Variants in KCNJ1 observed in about 807,000 individuals in gnomAD.
The protein encoded by KCNJ1 is potassium inwardly rectifying channel subfamily J member 1, also known as ATP-sensitive inward rectifier potassium channel 1.
Under a neutral mutation model 21.9 loss-of-function variants are expected in KCNJ1, and 24 were observed. The observed-to-expected ratio is 1.10, with a 90% CI of 0.79 to 1.54. The LOEUF (loss-of-function observed/expected upper bound fraction) is 1.54, where lower values mean the gene tolerates loss of function less well. Among genes scored for constraint, KCNJ1 ranks in the 40% most tolerant of loss-of-function variants. The pLI, the probability that KCNJ1 is intolerant of heterozygous loss-of-function variation, is 0.00. For missense variants in KCNJ1, 457 were observed against 455.4 expected, an observed-to-expected ratio of 1.00 and a Z score of -0.03; for synonymous variants, 152 against 160.9, an observed-to-expected ratio of 0.94 and a Z score of 0.42.
At chr11:128,844,809 T>A (rs1943351447) in intron 2 of KCNJ1, among the ~76,000 whole-genome samples, 1 of 152,200 alleles carries the variant, frequency 6.6e-6, no homozygotes. Context: ...CGCTTCTGAT[T>A]TAGAATTAAA....
At chr11:128,842,486 A>T (rs1943300132) in intron 2 of KCNJ1, 1 of 1,611,692 alleles carries the variant, frequency 6.2e-7, no homozygotes, top group African/African-American at 1.3e-5. Context: ...TTTTAGACTC[A>T]GCCTAATTTA....
intron 2 of KCNJ1, among the ~76,000 whole-genome samples, chr11:128,850,165 C>T (rs985006861): frequency 6.6e-6 from 1 of 152,128 alleles, no homozygotes; most frequent in Non-Finnish European, 1.5e-5. Flanking sequence ...ACCCTTGGAG[C>T]TCTACTCTCC....
At position 128,852,366 on chromosome 11, in the gene KCNJ1, A is replaced by G. The variant is rs564312129; in HGVS notation, c.-191-1476T>C. 6.6e-5 allele frequency among the ~76,000 whole-genome samples: 10 copies of G among 152,292 alleles called. No individual in the cohort carries two copies. The South Asian group carries it at 8.3e-4, about 13-fold the overall frequency. ...TCCTGCTTCTCAGAAAGGAGGTGAG[A>G]AGAGCCAGGCTCTAGGGGATTAGTG... On this transcript the variant is annotated intron_variant, in intron 1 of 2. Transcript: ENST00000392666.
Position 128,839,674 on chromosome 11 carries a change from G to A in KCNJ1, c.570C>T (p.Leu190=). 4 of 1,613,376 alleles carry A rather than the reference G, an allele frequency of 2.5e-6. No homozygotes were observed. Among genetic ancestry groups the A allele is most frequent in the Non-Finnish European group, 3.4e-6 (4 of 1,179,888 alleles). ...VISKRGGKLC[L]LIRVANLRKS... ...TCCTGAGATTAGCCACTCGGATTAG[G>A]AGGCAAAGCTTCCCTCCCCGTTTGC... The change falls in exon 3 of 3, where the codon CTC becomes CTT. Residue 190 remains leucine (L), a synonymous_variant. Transcript: ENST00000392666.
intron 2 of KCNJ1, among the ~76,000 whole-genome samples, chr11:128,841,636 T>C (rs1234815164): frequency 1.4e-4 from 21 of 152,200 alleles, no homozygotes; most frequent in Admixed American, 1.4e-3. Flanking sequence ...AATGTGTTTA[T>C]TCGTAAGAAC....
chr11:128,844,627 C>G (rs1341924562), intron 2 of KCNJ1, among the ~76,000 whole-genome samples: 2 of 152,114 alleles, frequency 1.3e-5, no homozygotes, highest in Non-Finnish European at 2.9e-5. Context: ...GTTTGTGGTC[C>G]TTACTGAATC....
intron 1 of KCNJ1, among the ~76,000 whole-genome samples, chr11:128,866,302 C>T (rs772341178): frequency 3.9e-5 from 6 of 152,196 alleles, no homozygotes; most frequent in African/African-American, 7.2e-5. Flanking sequence ...CCAGGTACAA[C>T]CAGCAGATCA....
At chr11:128,865,257 A>G (rs954676862) in intron 1 of KCNJ1, among the ~76,000 whole-genome samples, 1 of 152,110 alleles carries the variant, frequency 6.6e-6, no homozygotes, top group African/African-American at 2.4e-5. Context: ...GGCAGCGATG[A>G]TACTATGAGC....
At chr11:128,844,662 T>C (rs544806929) in intron 2 of KCNJ1, among the ~76,000 whole-genome samples, 13 of 152,222 alleles carry the variant, frequency 8.5e-5, no homozygotes, top group Non-Finnish European at 4.4e-5. Flanking sequence ...GCAGAAGCTC[T>C]TCTTCCACAG....
At chr11:128,865,065 T>C (rs1943793480) in intron 1 of KCNJ1, among the ~76,000 whole-genome samples, 1 of 152,032 alleles carries the variant, frequency 6.6e-6, no homozygotes, top group African/African-American at 2.4e-5. Context: ...CACACCAGCC[T>C]GGTATTCCCT....
At chr11:128,848,287 CAAA>C (rs1002326097) in intron 2 of KCNJ1, among the ~76,000 whole-genome samples, 7 of 48,892 alleles carry the variant, frequency 1.4e-4, no homozygotes, top group Middle Eastern at 9.6e-3. Context: ...GACTCCGTCT[CAAA>C]AAAAAAAAAA....
intron 2 of KCNJ1, among the ~76,000 whole-genome samples, chr11:128,849,508 G>A (rs1169807967): frequency 6.6e-6 from 1 of 152,216 alleles, no homozygotes. Flanking sequence ...ACTACAAGAG[G>A]AGGAAGGAGA....
chr11:128,859,160 C>A (rs957904665), intron 1 of KCNJ1, among the ~76,000 whole-genome samples: 1 of 152,162 alleles, frequency 6.6e-6, no homozygotes, highest in Non-Finnish European at 1.5e-5. Flanking sequence ...AATCTCACAG[C>A]GACCCCATGA....
intron 1 of KCNJ1, among the ~76,000 whole-genome samples, chr11:128,859,951 G>A (rs541098805): frequency 6.6e-6 from 1 of 152,374 alleles, no homozygotes; most frequent in Admixed American, 6.5e-5. Flanking sequence ...GGGCAGCAAA[G>A]CGCAGGCGGG....
At chr11:128,859,476 T>C (rs1943658141) in intron 1 of KCNJ1, among the ~76,000 whole-genome samples, 1 of 152,142 alleles carries the variant, frequency 6.6e-6, no homozygotes. Context: ...CTTGAACTCC[T>C]GGCCTCCAGC....
At chr11:128,865,364 C>T (rs2847381) in intron 1 of KCNJ1, among the ~76,000 whole-genome samples, 27,399 of 152,094 alleles carry the variant, frequency 0.18, 2,581 homozygotes, top group South Asian at 0.31. Context: ...CAAGTACCTG[C>T]CCTCTAGAGC....
intron 2 of KCNJ1, among the ~76,000 whole-genome samples, chr11:128,847,174 G>A (rs55891808): frequency 0.067 from 10,158 of 152,030 alleles, 421 homozygotes; most frequent in African/African-American, 0.12. Context: ...AGCCTCCCCC[G>A]CCGCATCACC....
intron 1 of KCNJ1, among the ~76,000 whole-genome samples, chr11:128,863,521 C>T (rs1943755960): frequency 6.6e-6 from 1 of 152,184 alleles, no homozygotes; most frequent in African/African-American, 2.4e-5. Context: ...CAGGCTTCTT[C>T]TGAGAGAGGA....
In KCNJ1 at chr11:128,843,323, C is replaced by A. The variant is rs528425667; in HGVS notation, c.-21-3059G>T. Among the ~76,000 whole-genome samples, 33 of 152,264 alleles carry A rather than the reference C, an allele frequency of 2.2e-4. No homozygotes were observed. In the South Asian group the frequency reaches 6.9e-3, roughly 32 times the overall value. On this transcript the variant is annotated intron_variant, in intron 2 of 2. Transcript: ENST00000392666. ...CCTGGTGTCTGGGTTATATAATATGCTCAGTTTTTAGGTTCCTTTCTATTG... is the reference window on the plus strand; with the variant it reads ...CCTGGTGTCTGGGTTATATAATATGATCAGTTTTTAGGTTCCTTTCTATTG...
Sources: gnomAD v4.1 joint callset for allele counts (sites outside exome capture counted in the v4.1 genomes callset) on GRCh38, gnomAD v4.1.1 for gene constraint, MANE v1.5 for transcripts, NCBI Gene and HGNC (gene_info 2026-07-23, HGNC 2026-07-21) for gene names.